The following TLE1 variants were observed in gnomAD, a reference collection of about 807,000 sequenced individuals.
TLE1 encodes transducin-like enhancer protein 1.
In TLE1, 21 loss-of-function variants were observed where a neutral mutation model predicts 89.8. The observed-to-expected ratio is 0.23, with a 90% CI of 0.17 to 0.34. The LOEUF (loss-of-function observed/expected upper bound fraction) is 0.34. Ranked by LOEUF, TLE1 falls within the 10% of genes least tolerant of loss-of-function variation. TLE1 has a pLI of 1.00. For synonymous variants in TLE1, 447 were observed against 407.6 expected (o/e 1.10, Z -1.16); for missense variants, 795 against 1,031.2 (o/e 0.77, Z 3.14).
chr9:81,650,805 A>C (rs1829441764), intron 6 of TLE1, among the ~76,000 whole-genome samples: 1 of 152,188 alleles, frequency 6.6e-6, no homozygotes, highest in Admixed American at 6.5e-5. Flanking sequence ...AGCTTGAATA[A>C]AATTTAAGCT....
chr9:81,612,261 G>A, intron 12 of TLE1: 12 of 1,088,240 alleles, frequency 1.1e-5, no homozygotes, highest in Non-Finnish European at 1.4e-5. Flanking sequence ...TTTACAGAGG[G>A]CAAACCAAGG....
rs371373554 is a variant in TLE1 at position 81,633,329 on chromosome 9, C to G, written c.594+19G>C. ...TGTGTGTGTGTGTGTGTGTGTGCAG[C>G]AGGCGTTTGAGTACTTACTGTGCCC... On this transcript the variant is annotated intron_variant, in intron 8 of 19. Coordinates refer to ENST00000376499, the MANE Select transcript of TLE1 (RefSeq NM_005077.5). The G allele has an allele frequency of 1.9e-6, 3 of 1,592,936 alleles. No homozygotes were observed. In the African/African-American group the frequency reaches 4.1e-5, roughly 22 times the overall value.
intron 10 of TLE1, 112 bp from the exon 11 acceptor site, chr9:81,616,246 G>A: frequency 7.2e-7 from 1 of 1,387,388 alleles, no homozygotes; most frequent in East Asian, 2.3e-5. Flanking sequence ...CTTCGGGTTG[G>A]GGTTGTACAA....
chr9:81,623,022 C>T (rs143311552), intron 8 of TLE1, among the ~76,000 whole-genome samples: 12 of 152,300 alleles, frequency 7.9e-5, no homozygotes, highest in Middle Eastern at 3.4e-3. Flanking sequence ...CCAGCCCTGA[C>T]GCTGCTTTCA....
At chr9:81,628,401 C>T (rs1264094226) in intron 8 of TLE1, among the ~76,000 whole-genome samples, 1 of 152,208 alleles carries the variant, frequency 6.6e-6, no homozygotes, top group East Asian at 1.9e-4. Flanking sequence ...CGCCATGGTT[C>T]CCATAGGCCT....
chr9:81,607,850 C>G (rs931224868), intron 14 of TLE1, among the ~76,000 whole-genome samples: 11 of 152,202 alleles, frequency 7.2e-5, no homozygotes, highest in African/African-American at 2.7e-4. Flanking sequence ...ACCCCTGACT[C>G]CCTTCATTGG....
intron 5 of TLE1, among the ~76,000 whole-genome samples, chr9:81,653,278 G>A (rs530792370): frequency 3.8e-4 from 58 of 152,284 alleles, no homozygotes; most frequent in Non-Finnish European, 6.6e-4. Context: ...TCCACCCTGC[G>A]TGAAGATGCA....
intron 4 of TLE1, among the ~76,000 whole-genome samples, chr9:81,670,578 G>A (rs1310385385): frequency 6.6e-6 from 1 of 151,918 alleles, no homozygotes; most frequent in Non-Finnish European, 1.5e-5. Context: ...CTTGTGATCT[G>A]CCCACCTCAG....
chr9:81,650,259 T>C (rs1829377527), intron 6 of TLE1, among the ~76,000 whole-genome samples: 1 of 152,244 alleles, frequency 6.6e-6, no homozygotes, highest in Non-Finnish European at 1.5e-5. Context: ...TTAATGCGAT[T>C]TCCTCCTTCC....
chr9:81,612,018 G>C, intron 12 of TLE1, 59 bp from the exon 13 acceptor site: 5 of 1,306,798 alleles, frequency 3.8e-6, no homozygotes, highest in Non-Finnish European at 5.0e-6. Context: ...AACCTGACCA[G>C]CAAGTCTGGC....
chr9:81,618,227 T>G (rs767010305), intron 9 of TLE1, among the ~76,000 whole-genome samples: 2 of 152,230 alleles, frequency 1.3e-5, no homozygotes, highest in Admixed American at 6.5e-5. Context: ...CCTGAATTTA[T>G]GATCTAAACA....
intron 12 of TLE1, chr9:81,612,333 G>A: frequency 9.8e-7 from 1 of 1,017,550 alleles, no homozygotes; most frequent in Non-Finnish European, 1.2e-6. Flanking sequence ...TAAAATCCAA[G>A]ATTTCTCTTT....
intron 1 of TLE1, 148 bp downstream of exon 1, chr9:81,688,069 G>A (rs1040785265): frequency 4.1e-6 from 4 of 969,208 alleles, no homozygotes; most frequent in African/African-American, 1.7e-5. Flanking sequence ...CCCCACCCCA[G>A]GAAGAGAGGG....
Position 81,633,293 on chromosome 9 carries a change from GTGTGT to G in TLE1, c.594+50_594+54del. 4 of 252,810 alleles carry G rather than the reference GTGTGT, an allele frequency of 1.6e-5. No individual in the cohort carries two copies. In the South Asian group the frequency reaches 3.9e-4, roughly 24 times the overall value. The allele number at this position is 252,810 out of a possible 1,614,324, so 15.7% of individuals were successfully genotyped here. Reference sequence around the variant, plus strand: ...AAGTGTTGTCAGAAGGGGACCGTGTGTGTGTGTGTGTGTGTGTGTGTGTGTGTGTG... The same window carrying G: ...AAGTGTTGTCAGAAGGGGACCGTGTGGTGTGTGTGTGTGTGTGTGTGTGTG... On this transcript the variant is annotated intron_variant, in intron 8 of 19. Coordinates refer to ENST00000376499, the MANE Select transcript of TLE1 (RefSeq NM_005077.5).
In TLE1 at chr9:81,599,818, A is replaced by C. The variant is rs148963644; in HGVS notation, c.1332-6544T>G. The C allele has an allele frequency of 2.4e-4, 83 of 351,158 alleles. No individual in the cohort carries two copies. In the Middle Eastern group the frequency reaches 6.3e-3, roughly 27 times the overall value. The allele number at this position is 351,158 out of a possible 1,614,324, so 21.8% of individuals were successfully genotyped here. ...TGTGTTAACGGAGGGCTTTATTAAC[A>C]ACTAACTTGAAAGTAGCAAACTTCA... On this transcript the variant is annotated intron_variant, in intron 14 of 19. Transcript: ENST00000376499.
At position 81,591,013 on chromosome 9, in the gene TLE1, C is replaced by T. The variant is rs201140985; in HGVS notation, c.1621G>A (p.Asp541Asn). 21 of 1,614,076 alleles carry T rather than the reference C, an allele frequency of 1.3e-5. No homozygotes were observed. Among genetic ancestry groups the T allele is most frequent in the South Asian group, 5.5e-5 (5 of 91,086 alleles). Residue 541 changes from aspartate (D) to asparagine (N), a missense_variant, in exon 16 of 20, where the codon GAT becomes AAT. Asp to Asn is a conservative substitution (Grantham distance 23). Around this residue, in one of 4 missense-constraint regions of TLE1, gnomAD observed 214 missense variants for 354.9 expected, o/e 0.60. Transcript: ENST00000376499. ...CCTCCCACTATGAGAGTGCAGCCAT[C>T]GGGTAGCAATTTACAGGAACGGATA... ...NYIRSCKLLP[D>N]GCTLIVGGEA...
intron 4 of TLE1, among the ~76,000 whole-genome samples, chr9:81,681,448 G>T (rs543634046): frequency 1.3e-5 from 2 of 152,092 alleles, no homozygotes; most frequent in African/African-American, 4.8e-5. Context: ...TACTGAGGAG[G>T]CTGAGGCAGG....
At chr9:81,636,791 T>A (rs897183081) in intron 6 of TLE1, among the ~76,000 whole-genome samples, 3 of 151,550 alleles carry the variant, frequency 2.0e-5, no homozygotes, top group Admixed American at 1.3e-4. Context: ...GATCACGAGG[T>A]CAGGAGTTCA....
intron 9 of TLE1, among the ~76,000 whole-genome samples, chr9:81,618,579 T>C (rs960401064): frequency 2.6e-5 from 4 of 152,110 alleles, no homozygotes; most frequent in African/African-American, 9.7e-5. Context: ...TCTACTGAAA[T>C]AAATATTTTC....
Sources: allele counts gnomAD v4.1 joint callset (sites outside exome capture counted in the v4.1 genomes callset), GRCh38; gene constraint gnomAD v4.1.1; regional missense constraint gnomAD v4.1.1; transcripts MANE v1.5; gene names NCBI Gene and HGNC (gene_info 2026-07-23, HGNC 2026-07-21).